HLA-DPA1: variants seen among roughly 807,000 people sequenced by gnomAD.
HLA-DPA1 encodes the protein major histocompatibility complex, class II, DP alpha 1.
Under a neutral mutation model 21.5 loss-of-function variants are expected in HLA-DPA1, and 20 were observed. The observed-to-expected ratio is 0.93, with a 90% CI of 0.66 to 1.35. HLA-DPA1 has a LOEUF of 1.35. Ranked by LOEUF, HLA-DPA1 falls within the 40% of genes most tolerant of loss-of-function variation. The pLI is 0.00. For synonymous variants in HLA-DPA1, 123 were observed against 129.6 expected (o/e 0.95, Z 0.35); for missense variants, 279 against 323.0 (o/e 0.86, Z 1.05).
chr6:33,078,541 A>C (rs1454829490), intron 1 of HLA-DPA1, among the ~76,000 whole-genome samples: 1 of 152,164 alleles, frequency 6.6e-6, no homozygotes, highest in Non-Finnish European at 1.5e-5. Context: ...TAAGAGACGA[A>C]TTCATTCAGA....
rs144952869 is a variant in HLA-DPA1 at position 33,071,270 on chromosome 6, G to C, written c.101-1384C>G. Among the ~76,000 whole-genome samples, 534 of 152,266 alleles carry C rather than the reference G, an allele frequency of 3.5e-3. 2 individuals carry two copies. Among genetic ancestry groups the C allele is most frequent in the East Asian group, 0.026 (133 of 5,188 alleles). ...AGTGGCCAAGCAAAGAGTGGTATTT[G>C]AAACTAAACAAAACAAATCCTATAG... On this transcript the variant is annotated intron_variant, in intron 2 of 5. Transcript: ENST00000419277.
intron 3 of HLA-DPA1, 85 bp from the exon 3 acceptor site, chr6:33,069,385 C>G: frequency 7.3e-7 from 1 of 1,361,850 alleles, no homozygotes; most frequent in Non-Finnish European, 1.0e-6. Context: ...GGTCCTCTAC[C>G]TCAGCCTTAG....
At chr6:33,069,648 G>C (rs748468076) in exon 3 of HLA-DPA1, 2 of 1,612,218 alleles carry the variant, frequency 1.2e-6, no homozygotes, top group East Asian at 4.5e-5. Context: ...TACCGTTGGT[G>C]GCCTGAGTGT....
Position 33,069,308 on chromosome 6 carries a change from G to A in HLA-DPA1, c.347-8C>T. 6.2e-7 allele frequency: 1 copy of A among 1,610,078 alleles called. No individual in the cohort carries two copies. Among genetic ancestry groups the A allele is most frequent in the Non-Finnish European group, 8.5e-7 (1 of 1,178,290 alleles). On this transcript the variant is annotated splice_region_variant and splice_polypyrimidine_tract_variant and intron_variant, in intron 3 of 5. Coordinates refer to ENST00000419277, the Ensembl canonical transcript of HLA-DPA1. ...CGGTCACCTCAGGGGGATCTGGAAG[G>A]AGACAGCACCAGGTTAGGCCCCTCT...
At chr6:33,066,201 C>T (rs1449382484) in intron 5 of HLA-DPA1, 1 of 152,146 alleles carries the variant, frequency 6.6e-6, no homozygotes, top group African/African-American at 2.4e-5. Flanking sequence ...TGGATACTAA[C>T]ACACACTACA....
At chr6:33,068,716 C>T (rs767720204) in exon 5 of HLA-DPA1, 1 of 1,612,986 alleles carries the variant, frequency 6.2e-7, no homozygotes, top group Non-Finnish European at 8.5e-7. Flanking sequence ...GGACGGTGCC[C>T]ACGATGATGC....
intron 1 of HLA-DPA1, chr6:33,076,000 C>G: frequency 6.7e-7 from 1 of 1,484,738 alleles, no homozygotes; most frequent in South Asian, 1.2e-5. Flanking sequence ...CCTTCTTTTC[C>G]TGACTGCAGC....
chr6:33,069,113 C>T (rs773349772), exon 4 of HLA-DPA1: 2 of 1,613,096 alleles, frequency 1.2e-6, no homozygotes, highest in Non-Finnish European at 8.5e-7. Context: ...GGTAATGGAA[C>T]TTGTGGAAGC....
At position 33,069,997 on chromosome 6, in the gene HLA-DPA1, A is replaced by G. The variant is rs138021400; in HGVS notation, c.101-111T>C. On this transcript the variant is annotated intron_variant, in intron 2 of 5. Transcript: ENST00000419277. The stretch of plus-strand genomic sequence containing the variant: ...TGAATATAAAAAGGAAGAAGGTAAG[A>G]GGTCAAAGGAAGGACATATGGGGAA... 1,489 of 983,140 alleles carry G rather than the reference A, an allele frequency of 1.5e-3. 19 individuals are homozygous for G. Among genetic ancestry groups the G allele is most frequent in the East Asian group, 0.013 (476 of 37,524 alleles). The allele number at this position is 983,140 out of a possible 1,614,324, so 60.9% of individuals were successfully genotyped here. A position where few individuals can be genotyped will look rare whatever the true frequency, so the allele number is the denominator to read the frequency against.
Position 33,073,466 on chromosome 6 carries a change from C to G in HLA-DPA1, c.100+5G>C. On this transcript the variant is annotated splice_donor_5th_base_variant and intron_variant, in intron 2 of 5. Coordinates refer to ENST00000419277, the Ensembl canonical transcript of HLA-DPA1. ...CGACGCTCCTGCGTCCTCCTGAGCA[C>G]TCACCCTTGATGGCCCCAGCTCCTC... 1.2e-6 allele frequency: 2 copies of G among 1,604,352 alleles called. No individual in the cohort carries two copies. Among genetic ancestry groups the G allele is most frequent in the Non-Finnish European group, 1.7e-6 (2 of 1,172,180 alleles).
intron 1 of HLA-DPA1, among the ~76,000 whole-genome samples, chr6:33,076,879 A>G (rs1005791268): frequency 6.6e-6 from 1 of 152,004 alleles, no homozygotes; most frequent in Admixed American, 6.6e-5. Flanking sequence ...TATGGCATCT[A>G]TGATCCATTG....
In HLA-DPA1 at chr6:33,077,652, T is replaced by C. The variant is rs147989046; in HGVS notation, c.-100+3028A>G. Among the ~76,000 whole-genome samples, 724 of 152,270 alleles carry C rather than the reference T, an allele frequency of 4.8e-3. 3 individuals carry two copies. The highest frequency in any genetic ancestry group is 0.017 in the African/African-American group (688 of 41,534). ...CATTGTACTCTCAGGACATTTCTAG[T>C]CCAAATTTACACCAACACTCTGAGA... is the stretch of plus-strand genomic sequence containing the variant. On this transcript the variant is annotated intron_variant, in intron 1 of 5. Transcript: ENST00000419277.
At chr6:33,066,306 T>C (rs1761950371) in intron 5 of HLA-DPA1, 1 of 152,118 alleles carries the variant, frequency 6.6e-6, no homozygotes, top group African/African-American at 2.4e-5. Context: ...CCACCTATAA[T>C]GGGAGCTTTC....
At chr6:33,068,215 C>CT (rs148889828) in intron 5 of HLA-DPA1, 44,255 of 155,946 alleles carry the variant, frequency 0.28, 8,403 homozygotes, top group East Asian at 0.68. Context: ...GCAATGGACT[C>CT]TGGAGAATTT....
intron 1 of HLA-DPA1, chr6:33,073,914 T>C (rs1258150372): frequency 2.1e-5 from 5 of 240,850 alleles, no homozygotes; most frequent in African/African-American, 1.1e-4. Context: ...ATTATGTTCC[T>C]TCTCCCGAGC....
chr6:33,070,906 T>C (rs1762245245), intron 2 of HLA-DPA1, among the ~76,000 whole-genome samples: 2 of 152,240 alleles, frequency 1.3e-5, no homozygotes, highest in African/African-American at 4.8e-5. Context: ...TAGGATTTAA[T>C]TTATTTTGTT....
At chr6:33,076,139 CAGGTAAGAGCCGAACTGCCATTCTTGG>C in intron 1 of HLA-DPA1, 1 of 1,600,858 alleles carries the variant, frequency 6.2e-7, no homozygotes, top group Non-Finnish European at 8.5e-7. Context: ...AGGGCCACTC[CAGGTAAGAGCCGAACTGCCATTCTTGG>C]AGGGTCTGGC....
intron 1 of HLA-DPA1, among the ~76,000 whole-genome samples, chr6:33,076,381 G>A (rs201929255): frequency 3.0e-5 from 3 of 99,034 alleles, no homozygotes; most frequent in African/African-American, 1.6e-4. Flanking sequence ...AGTGGTCAGT[G>A]TCTTTGGGGA....
chr6:33,073,026 G>A (rs1051961559), intron 2 of HLA-DPA1, among the ~76,000 whole-genome samples: 1 of 152,146 alleles, frequency 6.6e-6, no homozygotes, highest in East Asian at 1.9e-4. Flanking sequence ...AAAGATAGAG[G>A]CTGGGGATCC....
Sources: gnomAD v4.1 joint callset for allele counts (sites outside exome capture counted in the v4.1 genomes callset) on GRCh38, gnomAD v4.1.1 for gene constraint, MANE v1.5 for transcripts, NCBI Gene and HGNC (gene_info 2026-07-23, HGNC 2026-07-21) for gene names.